The following GPRC6A variants were observed in gnomAD, a reference collection of about 807,000 sequenced individuals.
GPRC6A encodes G protein-coupled receptor family C group 6 member A.
GPRC6A carries 54 observed loss-of-function variants against 47.0 expected under a neutral mutation model. The ratio of observed to expected loss-of-function variants is 1.15; its 90% CI spans 0.92 to 1.44. GPRC6A has a LOEUF of 1.44. Ranked by LOEUF, GPRC6A falls within the 40% of genes most tolerant of loss-of-function variation. The pLI is 0.00. For synonymous variants in GPRC6A, 347 were observed against 377.1 expected (o/e 0.92, Z 0.93); for missense variants, 1,112 against 1,105.5 (o/e 1.01, Z -0.08).
chr6:116,806,241 A>C, intron 3 of GPRC6A, 129 bp downstream of exon 3: 1 of 648,520 alleles, frequency 1.5e-6, no homozygotes, highest in Non-Finnish European at 2.7e-6. Flanking sequence ...TTATTTAAAC[A>C]CTGAAAGTGT....
In GPRC6A at chr6:116,798,189, G is replaced by A. The variant is rs189810148; in HGVS notation, c.1549-2354C>T. Among the ~76,000 whole-genome samples the A allele has an allele frequency of 7.8e-4, 118 of 152,082 alleles. 1 individual carries two copies. Among genetic ancestry groups the A allele is most frequent in the African/African-American group, 2.8e-3 (117 of 41,452 alleles). ...TATAAGTGTTAAGGAGAAAAATAAG[G>A]ATAGGACAGTGAATAAGAACTACTA... On this transcript the variant is annotated intron_variant, in intron 4 of 5. Transcript: ENST00000310357.
chr6:116,818,025 A>G (rs551780216), intron 1 of GPRC6A, among the ~76,000 whole-genome samples: 54 of 152,272 alleles, frequency 3.5e-4, no homozygotes, highest in African/African-American at 1.3e-3. Flanking sequence ...CAGGAAATAC[A>G]GAGAACGCCA....
chr6:116,799,892 ACAGT>A (rs1772606536), intron 4 of GPRC6A, among the ~76,000 whole-genome samples: 2 of 152,182 alleles, frequency 1.3e-5, no homozygotes, highest in Non-Finnish European at 1.5e-5. Flanking sequence ...AGGGGCACAG[ACAGT>A]CTGTCTATAG....
Position 116,807,021 on chromosome 6 carries a change from A to G in GPRC6A, c.684T>C (p.Phe228=), listed in dbSNP as rs138561489. 6.2e-7 allele frequency: 1 copy of G among 1,613,640 alleles called. No individual in the cohort carries two copies. Among genetic ancestry groups the G allele is most frequent in the African/African-American group, 1.3e-5 (1 of 74,890 alleles). The change falls in exon 3 of 6, where the codon TTT becomes TTC. Residue 228 remains phenylalanine, a synonymous_variant. Transcript: ENST00000310357. ...DDYGRLALNT[F]IIQAEANNVC... ...CGTTATTTGCTTCAGCCTGAATTAT[A>G]AAAGTGTTAAGAGCCAATCGTCCAT...
rs114649620 is a variant in GPRC6A, at chr6:116,795,463, C to T, written c.1672+249G>A. On this transcript the variant is annotated intron_variant, in intron 5 of 5. Coordinates refer to ENST00000310357, the MANE Select transcript of GPRC6A (RefSeq NM_148963.4). The stretch of plus-strand genomic sequence containing the variant: ...AGTTGCATACTTTAAAAAATATGAG[C>T]GAAGCGATAACATTTTCCCTTGGAA... Among the ~76,000 whole-genome samples, 700 of 152,140 alleles carry T rather than the reference C, an allele frequency of 4.6e-3. 4 individuals carry two copies. Among genetic ancestry groups the T allele is most frequent in the African/African-American group, 0.016 (651 of 41,524 alleles).
chr6:116,819,924 G>A (rs1026823117), intron 1 of GPRC6A, among the ~76,000 whole-genome samples: 1 of 149,456 alleles, frequency 6.7e-6, no homozygotes, highest in Non-Finnish European at 1.5e-5. Context: ...CCAGGAGCTG[G>A]TTTTTTGAAA....
intron 1 of GPRC6A, among the ~76,000 whole-genome samples, chr6:116,820,192 G>C (rs1582477265): frequency 2.0e-5 from 3 of 151,932 alleles, no homozygotes; most frequent in East Asian, 3.9e-4. Context: ...CCAATAACAG[G>C]ATCTGAAATT....
intron 2 of GPRC6A, among the ~76,000 whole-genome samples, chr6:116,807,680 C>T (rs528892069): frequency 5.3e-5 from 8 of 152,198 alleles, no homozygotes; most frequent in Non-Finnish European, 7.4e-5. Context: ...CTGTAAAGAA[C>T]GAGATATAAA....
chr6:116,813,657 A>G (rs946660767), intron 1 of GPRC6A, among the ~76,000 whole-genome samples: 4 of 152,228 alleles, frequency 2.6e-5, no homozygotes, highest in Non-Finnish European at 5.9e-5. Flanking sequence ...TAAAAACCCT[A>G]GAAGAAAACC....
intron 1 of GPRC6A, among the ~76,000 whole-genome samples, chr6:116,810,927 A>C (rs1193264723): frequency 6.6e-6 from 1 of 152,120 alleles, no homozygotes; most frequent in Non-Finnish European, 1.5e-5. Context: ...AGAACCCAAG[A>C]AATCACCAAC....
rs151212120 is a variant in GPRC6A, at chr6:116,803,743, G to T, written c.1335+2627C>A. 2.2e-4 allele frequency among the ~76,000 whole-genome samples: 33 copies of T among 152,132 alleles called. 1 individual carries two copies. Among genetic ancestry groups the T allele is most frequent in the African/African-American group, 7.9e-4 (33 of 41,512 alleles). On this transcript the variant is annotated intron_variant, in intron 3 of 5. Transcript: ENST00000310357. The stretch of plus-strand genomic sequence containing the variant: ...TTTCTCCCTTTTCTGGGACTTTGCT[G>T]GAATATTTCTGTTCTGGCTAACTGC...
chr6:116,807,430 T>C (rs1772886049), intron 2 of GPRC6A, among the ~76,000 whole-genome samples: 1 of 152,198 alleles, frequency 6.6e-6, no homozygotes, highest in African/African-American at 2.4e-5. Flanking sequence ...ATTCAGGCTG[T>C]ATCTCATTTT....
At chr6:116,815,797 TA>T (rs916888500) in intron 1 of GPRC6A, among the ~76,000 whole-genome samples, 1 of 152,098 alleles carries the variant, frequency 6.6e-6, no homozygotes, top group Non-Finnish European at 1.5e-5. Context: ...AAGATGGAAA[TA>T]AAAAATCTTA....
intron 1 of GPRC6A, among the ~76,000 whole-genome samples, chr6:116,819,304 C>G (rs1187760085): frequency 6.6e-6 from 1 of 150,768 alleles, no homozygotes; most frequent in African/African-American, 2.4e-5. Context: ...ATCAACGAGA[C>G]AGAAAGTCAA....
At chr6:116,811,820 A>C (rs1032472972) in intron 1 of GPRC6A, among the ~76,000 whole-genome samples, 2 of 152,132 alleles carry the variant, frequency 1.3e-5, no homozygotes, top group Non-Finnish European at 1.5e-5. Context: ...CCCAGCCATG[A>C]AAATATAAAG....
chr6:116,802,276 T>C (rs1316415325), intron 3 of GPRC6A, among the ~76,000 whole-genome samples: 12 of 152,160 alleles, frequency 7.9e-5, no homozygotes, highest in Admixed American at 6.6e-4. Context: ...AAACATTTGC[T>C]TTGAAGTAAG....
At chr6:116,801,629 T>C (rs991149173) in intron 3 of GPRC6A, among the ~76,000 whole-genome samples, 2 of 152,174 alleles carry the variant, frequency 1.3e-5, no homozygotes, top group African/African-American at 4.8e-5. Flanking sequence ...TCTATTTCTT[T>C]TGAGTTAACT....
Position 116,792,749 on chromosome 6 carries a change from A to G in GPRC6A, c.2174T>C (p.Phe725Ser). The change falls in exon 6 of 6, where the codon TTT (phenylalanine) becomes TCT (serine). Residue 725 changes from phenylalanine (F) to serine (S), a missense_variant. Coordinates refer to ENST00000310357, the MANE Select transcript of GPRC6A (RefSeq NM_148963.4). The part of the protein sequence containing the change: ...QVVICTLWLI[F>S]AAPTVEVNVS... ...ATTCACCTCTACAGTAGGTGCTGCA[A>G]AGATTAGCCAGAGTGTGCAAATGAC... The G allele has an allele frequency of 3.1e-6, 5 of 1,613,968 alleles. No individual in the cohort carries two copies. Among genetic ancestry groups the G allele is most frequent in the Non-Finnish European group, 4.2e-6 (5 of 1,179,944 alleles).
At position 116,828,282 on chromosome 6, in the gene GPRC6A, C is replaced by T. The variant is rs182865973; in HGVS notation, c.194+538G>A. On this transcript the variant is annotated intron_variant, in intron 1 of 5. Transcript: ENST00000310357. ...TGTCTTTCTCATAGGTAAGCTCTCA[C>T]GACACAAAGTGTTCATCCAGCAGGA... Among the ~76,000 whole-genome samples, 85 of 152,042 alleles carry T rather than the reference C, an allele frequency of 5.6e-4. 1 individual carries two copies. In the Middle Eastern group the frequency reaches 0.037, roughly 67 times the overall value.
Sources: allele counts gnomAD v4.1 joint callset (sites outside exome capture counted in the v4.1 genomes callset), GRCh38; gene constraint gnomAD v4.1.1; transcripts MANE v1.5; gene names NCBI Gene and HGNC (gene_info 2026-07-23, HGNC 2026-07-21).